The following DNAH17 variants were observed in gnomAD, a reference collection of about 807,000 sequenced individuals.
DNAH17 encodes dynein axonemal heavy chain 17.
In DNAH17, 376 loss-of-function variants were observed where a neutral mutation model predicts 485.6. The observed-to-expected ratio is 0.77, with a 90% confidence interval of 0.71 to 0.84. The LOEUF (loss-of-function observed/expected upper bound fraction) is 0.84, where lower values mean the gene tolerates loss of function less well. Among genes scored for constraint, DNAH17 ranks in the 40% least tolerant of loss-of-function variants. The pLI is 0.00. For missense variants in DNAH17, 6,370 were observed against 5,839.3 expected (o/e 1.09, Z -2.96); for synonymous variants, 3,031 against 2,405.9 (o/e 1.26, Z -7.60).
At chr17:78,565,881 C>T (rs906394851) in intron 11 of DNAH17, among the ~76,000 whole-genome samples, 3 of 152,064 alleles carry the variant, frequency 2.0e-5, no homozygotes, top group East Asian at 1.9e-4. Context: ...ACCCGGGAGG[C>T]GGAGGTTGCA....
intron 37 of DNAH17, among the ~76,000 whole-genome samples, chr17:78,496,471 G>A (rs2090074376): frequency 6.6e-6 from 1 of 151,072 alleles, no homozygotes; most frequent in African/African-American, 2.4e-5. Flanking sequence ...GGTGGGCGGG[G>A]GGAGGGTGGG....
intron 46 of DNAH17, 31 bp from the exon 47 acceptor site, chr17:78,485,788 G>A (rs770400626): frequency 1.2e-6 from 2 of 1,606,844 alleles, no homozygotes; most frequent in East Asian, 2.2e-5. Context: ...GGAGGGAGCT[G>A]TGATTCTCAG....
intron 37 of DNAH17, among the ~76,000 whole-genome samples, chr17:78,498,421 C>A (rs1180913831): frequency 6.6e-6 from 1 of 152,226 alleles, no homozygotes; most frequent in African/African-American, 2.4e-5. Flanking sequence ...GTCAGGATCA[C>A]CTGAGGCATT....
chr17:78,433,310 C>G (rs1021360250), intron 75 of DNAH17, among the ~76,000 whole-genome samples: 4 of 152,172 alleles, frequency 2.6e-5, no homozygotes, highest in Non-Finnish European at 5.9e-5. Flanking sequence ...GCTGCAGGGC[C>G]TAGCAGGGTA....
At position 78,530,513 on chromosome 17, in the gene DNAH17, C is replaced by A. The variant is rs764927026; in HGVS notation, c.3115-1G>T. 17 of 1,600,616 alleles carry A rather than the reference C, an allele frequency of 1.1e-5. No individual in the cohort carries two copies. The highest frequency in any genetic ancestry group is 1.5e-5 in the Non-Finnish European group (17 of 1,170,430). ...CATACAGCTTCTCGTAGGAGTCGATCTGGAAAACACGGCCACCGGCGGCCT... is the reference window on the plus strand; with the variant it reads ...CATACAGCTTCTCGTAGGAGTCGATATGGAAAACACGGCCACCGGCGGCCT... On this transcript the variant is annotated splice_acceptor_variant, in intron 20 of 80. Transcript: ENST00000389840. LOFTEE classifies it high-confidence loss of function.
chr17:78,438,431 GA>G (rs2086929689), intron 73 of DNAH17, among the ~76,000 whole-genome samples: 1 of 77,956 alleles, frequency 1.3e-5, no homozygotes, highest in Non-Finnish European at 2.4e-5. Context: ...GGAGAAGGAG[GA>G]GGAGGAGGAG....
At position 78,553,260 on chromosome 17, in the gene DNAH17, A is replaced by AT. The variant is rs569238396; in HGVS notation, c.2179-456dup. Among the ~76,000 whole-genome samples the AT allele has an allele frequency of 3.6e-4, 46 of 126,878 alleles. No homozygotes were observed. In the Middle Eastern group the frequency reaches 0.019, roughly 51 times the overall value. 83.2% of individuals were successfully genotyped at this position (126,878 alleles called of 152,430 possible). The stretch of plus-strand genomic sequence containing the variant: ...CTAATTAAACCTCTTTTCTTTATAA[A>AT]TTACCCAGTCCCAGGTTTTTGTGTT... On this transcript the variant is annotated intron_variant, in intron 14 of 80. Transcript: ENST00000389840.
At chr17:78,516,569 A>C (rs931179238) in intron 25 of DNAH17, among the ~76,000 whole-genome samples, 1 of 152,150 alleles carries the variant, frequency 6.6e-6, no homozygotes, top group African/African-American at 2.4e-5. Context: ...AGGTGCCTGT[A>C]ATCCCAGCTA....
intron 80 of DNAH17, 200 bp from the exon 81 acceptor site, chr17:78,424,353 G>C (rs1330172430): frequency 3.3e-6 from 2 of 600,810 alleles, no homozygotes; most frequent in Non-Finnish European, 5.6e-6. Context: ...CGTCCCGCTG[G>C]GCTCAAGGAA....
At chr17:78,514,662 C>T in intron 26 of DNAH17, 112 bp downstream of exon 26, 1 of 1,415,898 alleles carries the variant, frequency 7.1e-7, no homozygotes. Context: ...CCCACATTGG[C>T]TTTACCAGCA....
chr17:78,537,121 T>A (rs1171266433), intron 19 of DNAH17, among the ~76,000 whole-genome samples, 178 bp downstream of exon 19: 1 of 148,776 alleles, frequency 6.7e-6, no homozygotes, highest in African/African-American at 2.5e-5. Context: ...GAGGTTGCAG[T>A]GAGCCAAGAT....
In DNAH17 at chr17:78,462,961, G is replaced by A. The variant is rs1194709540; in HGVS notation, c.9057C>T (p.Thr3019=). ...ERRYNYTTPK[T]FLEQIKLYQN... ...GGTACAGTTTGATCTGCTCCAGAAA[G>A]GTTTTGGGTGTGGTGTAGTTGTAGC... Residue 3019 remains threonine (T), a synonymous_variant, in exon 57 of 81, where the codon ACC becomes ACT. Transcript: ENST00000389840. The A allele has an allele frequency of 2.5e-6, 4 of 1,614,010 alleles. No homozygotes were observed. In the South Asian group the frequency reaches 3.3e-5, roughly 13 times the overall value.
At chr17:78,564,994 T>C (rs983297803) in intron 11 of DNAH17, among the ~76,000 whole-genome samples, 1 of 152,232 alleles carries the variant, frequency 6.6e-6, no homozygotes, top group East Asian at 1.9e-4. Context: ...AGGGTCTCCA[T>C]CCTCCACCAT....
intron 36 of DNAH17, 187 bp downstream of exon 36, chr17:78,500,118 G>A: frequency 1.6e-6 from 1 of 621,078 alleles, no homozygotes; most frequent in Non-Finnish European, 2.7e-6. Context: ...CACCCTGGAA[G>A]TCTTTCCAGA....
intron 54 of DNAH17, chr17:78,472,703 T>C: frequency 2.2e-6 from 1 of 454,760 alleles, no homozygotes; most frequent in South Asian, 1.6e-5. Context: ...GTCCCCGAGG[T>C]CACGCACGCT....
At position 78,476,604 on chromosome 17, in the gene DNAH17, C is replaced by A. The variant is rs1050770590; in HGVS notation, c.8122G>T (p.Val2708Phe). 19 of 1,611,176 alleles carry A rather than the reference C, an allele frequency of 1.2e-5. No homozygotes were observed. The highest frequency in any genetic ancestry group is 1.5e-5 in the Non-Finnish European group (18 of 1,178,768). The change falls in exon 52 of 81, where the codon GTC becomes TTC. Residue 2708 changes from valine (V) to phenylalanine (F), a missense_variant. By Grantham distance (50) the Val-to-Phe change is conservative. Transcript: ENST00000389840. ...DEKDQETLHR[V>F]TMASTKKFFD... ...AACTTCTTGGTGGAGGCCATGGTGA[C>A]TCTATGCAATGTTTCCTGGTCTTTT...
At chr17:78,485,417 C>T (rs1416588983) in intron 47 of DNAH17, 133 bp downstream of exon 47, 8 of 868,520 alleles carry the variant, frequency 9.2e-6, no homozygotes, top group East Asian at 5.3e-5. Context: ...GAAAGGCCAG[C>T]GGGTGGGGCA....
At chr17:78,433,511 T>A (rs998132372) in intron 75 of DNAH17, among the ~76,000 whole-genome samples, 2 of 152,216 alleles carry the variant, frequency 1.3e-5, no homozygotes, top group African/African-American at 4.8e-5. Flanking sequence ...CATGCGCCTT[T>A]ATGCATTCTC....
At position 78,466,865 on chromosome 17, in the gene DNAH17, G is replaced by A. The variant is rs2088492108; in HGVS notation, c.8779-49C>T. ...GCTGCCTACTGGGACTGCAGTGCTG[G>A]GGCCTAATCCATCACTCTGCAGAAA... is the stretch of plus-strand genomic sequence containing the variant. On this transcript the variant is annotated intron_variant, in intron 55 of 80. Transcript: ENST00000389840. 4.7e-6 allele frequency: 7 copies of A among 1,476,540 alleles called. No homozygotes were observed. The South Asian group carries it at 8.1e-5, about 17-fold the overall frequency. The allele number at this position is 1,476,540 out of a possible 1,614,324, so 91.5% of individuals were successfully genotyped here.
Sources: gnomAD v4.1 joint callset for allele counts (sites outside exome capture counted in the v4.1 genomes callset) on GRCh38, gnomAD v4.1.1 for gene constraint, MANE v1.5 for transcripts, NCBI Gene and HGNC (gene_info 2026-07-23, HGNC 2026-07-21) for gene names.